Variants in BCAS3 observed in about 807,000 individuals in gnomAD.
BCAS3 encodes the protein BCAS3 microtubule associated cell migration factor.
In BCAS3, 53 loss-of-function variants were observed where a neutral mutation model predicts 116.1. That is an observed-to-expected ratio of 0.46 (90% CI 0.37 to 0.57). The LOEUF (loss-of-function observed/expected upper bound fraction) is 0.57. BCAS3 is among the 20% of genes least tolerant of loss of function. BCAS3 has a pLI of 0.00. For missense variants in BCAS3, 917 were observed against 1,165.4 expected (o/e 0.79, Z 3.10); for synonymous variants, 391 against 408.2 (o/e 0.96, Z 0.51).
intron 16 of BCAS3, among the ~76,000 whole-genome samples, chr17:61,018,783 C>T (rs1414646703): frequency 1.3e-5 from 2 of 152,168 alleles, no homozygotes; most frequent in Non-Finnish European, 2.9e-5. Context: ...TCTAAAGGCA[C>T]AGACATTCTC....
At chr17:61,178,740 T>G (rs899265187) in intron 22 of BCAS3, among the ~76,000 whole-genome samples, 1 of 152,108 alleles carries the variant, frequency 6.6e-6, no homozygotes, top group African/African-American at 2.4e-5. Flanking sequence ...CAAATAGAGG[T>G]GGGAAATTTT....
intron 22 of BCAS3, chr17:61,157,468 A>G (rs1271008178): frequency 1.3e-5 from 2 of 151,862 alleles, no homozygotes; most frequent in Non-Finnish European, 2.9e-5. Context: ...AGAGCAGAAC[A>G]TTAAACAGTG....
chr17:61,050,919 T>TA (rs1386525177), intron 19 of BCAS3, among the ~76,000 whole-genome samples: 1 of 152,008 alleles, frequency 6.6e-6, no homozygotes, highest in Non-Finnish European at 1.5e-5. Flanking sequence ...TTTCAAGTCA[T>TA]ACAAAGTATA....
At position 61,315,502 on chromosome 17, in the gene BCAS3, G is replaced by T. The variant is rs1259504596; in HGVS notation, c.2426-52825G>T. Among the ~76,000 whole-genome samples, 52 of 152,318 alleles carry T rather than the reference G, an allele frequency of 3.4e-4. No individual in the cohort carries two copies. The highest frequency in any genetic ancestry group is 1.5e-5 in the Non-Finnish European group (1 of 68,024). On this transcript the variant is annotated intron_variant, in intron 22 of 23. Coordinates refer to ENST00000407086, the MANE Select transcript of BCAS3 (RefSeq NM_017679.5). This position sits in a 1 kb window ranked among gnomAD's most constrained non-coding sequence, Gnocchi z 5.3. ...AGCTGGCAGCGGTGCCATTGCTTTC[G>T]CCTCAGGCTTCCTAGAGCAAAGAAG...
chr17:60,788,073 C>G lies in BCAS3; in HGVS notation c.404-19931C>G, dbSNP rs538456827. ...CGTATATTATCTTTTTACAACAGTACTATGTGGCGTATTGGTACTTATCCC... is the reference window on the plus strand; with the variant it reads ...CGTATATTATCTTTTTACAACAGTAGTATGTGGCGTATTGGTACTTATCCC... On this transcript the variant is annotated intron_variant, in intron 6 of 23. Coordinates refer to ENST00000407086, the MANE Select transcript of BCAS3 (RefSeq NM_017679.5). Among the ~76,000 whole-genome samples the G allele has an allele frequency of 2.6e-5, 4 of 152,232 alleles. No individual in the cohort carries two copies. The East Asian group carries it at 7.7e-4, about 29-fold the overall frequency.
intron 19 of BCAS3, chr17:61,070,096 A>G (rs1372617638): frequency 6.4e-7 from 1 of 1,573,650 alleles, no homozygotes; most frequent in Non-Finnish European, 8.7e-7. Context: ...CCACTATGCT[A>G]TCATCAAGTT....
At chr17:61,262,797 A>G (rs1454695787) in intron 22 of BCAS3, among the ~76,000 whole-genome samples, 1 of 151,876 alleles carries the variant, frequency 6.6e-6, no homozygotes, top group Admixed American at 6.6e-5. Flanking sequence ...GGTTCAACCA[A>G]TTCTCCTGCC....
chr17:61,207,459 A>G (rs1372494278), intron 22 of BCAS3, among the ~76,000 whole-genome samples: 2 of 152,178 alleles, frequency 1.3e-5, no homozygotes, highest in African/African-American at 4.8e-5. Flanking sequence ...GGTTACAAAG[A>G]CAGTGAATGC....
At position 61,056,481 on chromosome 17, in the gene BCAS3, TAATTA is replaced by T. The variant is rs1766884806; in HGVS notation, c.2029+15592_2029+15596del. Among the ~76,000 whole-genome samples, 1 of 152,106 alleles carries T rather than the reference TAATTA, an allele frequency of 6.6e-6. No homozygotes were observed. Among genetic ancestry groups the T allele is most frequent in the African/African-American group, 2.4e-5 (1 of 41,464 alleles). On this transcript the variant is annotated intron_variant, in intron 19 of 23. Transcript: ENST00000407086. This position sits in a 1 kb window ranked among gnomAD's most constrained non-coding sequence, Gnocchi z 4.9. ...TAAAATTTTAACTTATACTTTATTT[TAATTA>T]AAGTATTTAAAATAAATTTATAAAG...
At chr17:60,680,694 G>A (rs1188639750) in intron 2 of BCAS3, among the ~76,000 whole-genome samples, 1 of 151,554 alleles carries the variant, frequency 6.6e-6, no homozygotes, top group Admixed American at 6.6e-5. Context: ...GGAGTGCAGT[G>A]GCGCCGTCTC....
At position 61,325,424 on chromosome 17, in the gene BCAS3, G is replaced by A. The variant is rs1336045751; in HGVS notation, c.2426-42903G>A. Among the ~76,000 whole-genome samples the A allele has an allele frequency of 6.6e-6, 1 of 152,134 alleles. No homozygotes were observed. The highest frequency in any genetic ancestry group is 1.5e-5 in the Non-Finnish European group (1 of 68,008). ...TTGCAGGGTGACCCTCTGCTCCAGG[G>A]ATATGGGCACTGCCTGGAGGGTGGT... On this transcript the variant is annotated intron_variant, in intron 22 of 23. Coordinates refer to ENST00000407086, the MANE Select transcript of BCAS3 (RefSeq NM_017679.5). This position sits in a 1 kb window ranked among gnomAD's most constrained non-coding sequence, Gnocchi z 6.4.
At position 61,344,987 on chromosome 17, in the gene BCAS3, T is replaced by G. The variant is rs1171732196; in HGVS notation, c.2426-23340T>G. 1.3e-5 allele frequency among the ~76,000 whole-genome samples: 2 copies of G among 152,028 alleles called. No individual in the cohort carries two copies. The highest frequency in any genetic ancestry group is 2.9e-5 in the Non-Finnish European group (2 of 68,012). The stretch of plus-strand genomic sequence containing the variant: ...AGAAAAATAGCCACTCTGTCCCTTC[T>G]CATGCGGAGGAAGCACAGGGTAATC... On this transcript the variant is annotated intron_variant, in intron 22 of 23. Transcript: ENST00000407086. This position sits in a 1 kb window ranked among gnomAD's most constrained non-coding sequence, Gnocchi z 4.1.
intron 9 of BCAS3, among the ~76,000 whole-genome samples, chr17:60,887,836 T>G (rs2036099009): frequency 6.6e-6 from 1 of 152,222 alleles, no homozygotes; most frequent in Non-Finnish European, 1.5e-5. Flanking sequence ...TAAAATTGCA[T>G]CATGCTTGTG....
intron 14 of BCAS3, among the ~76,000 whole-genome samples, chr17:60,974,820 G>A (rs144678252): frequency 1.1e-4 from 16 of 152,162 alleles, no homozygotes; most frequent in Non-Finnish European, 8.8e-5. Flanking sequence ...CTCTAAATTG[G>A]TAATAATGAG....
chr17:61,392,276 G>A lies in BCAS3; in HGVS notation c.*151G>A, dbSNP rs2060173782. On this transcript the variant is annotated 3_prime_UTR_variant, in exon 24 of 24. Transcript: ENST00000407086. The surrounding 1 kb of genome is among the most constrained non-coding windows in gnomAD (Gnocchi z 6.4). ...CAGCAGCCGCCCATCCTACCTGGAT[G>A]GAGAAGAGACCCTTCTCCAAGCACC... is the stretch of plus-strand genomic sequence containing the variant. 2.1e-6 allele frequency: 2 copies of A among 936,910 alleles called. No homozygotes were observed. Among genetic ancestry groups the A allele is most frequent in the East Asian group, 5.3e-5 (2 of 37,844 alleles). 58.0% of individuals were successfully genotyped at this position (936,910 alleles called of 1,614,324 possible). A position where few individuals can be genotyped will look rare whatever the true frequency, so the allele number is the denominator to read the frequency against.
At chr17:61,335,234 G>A (rs780242555) in intron 22 of BCAS3, among the ~76,000 whole-genome samples, 11 of 152,230 alleles carry the variant, frequency 7.2e-5, no homozygotes, top group African/African-American at 1.9e-4. Context: ...TCACAGCAGC[G>A]ATTCCTTCCC....
At chr17:60,821,444 C>G (rs1468954455) in intron 7 of BCAS3, among the ~76,000 whole-genome samples, 1 of 152,110 alleles carries the variant, frequency 6.6e-6, no homozygotes, top group African/African-American at 2.4e-5. Context: ...GAAACTCTTT[C>G]TACAAACAAG....
chr17:61,368,945 ATGC>A lies in BCAS3; in HGVS notation c.2593+455_2593+457del, dbSNP rs1451742001. 2.0e-5 allele frequency among the ~76,000 whole-genome samples: 3 copies of A among 152,102 alleles called. No homozygotes were observed. Among genetic ancestry groups the A allele is most frequent in the Non-Finnish European group, 2.9e-5 (2 of 68,000 alleles). On this transcript the variant is annotated intron_variant, in intron 23 of 23. Coordinates refer to ENST00000407086, the MANE Select transcript of BCAS3 (RefSeq NM_017679.5). The surrounding 1 kb of genome is among the most constrained non-coding windows in gnomAD (Gnocchi z 6.0). ...TTTCAGCCCCTACCAGCTTTTCCTC[ATGC>A]TGCCTTTGGCCTTGCATTCTTGCCT...
intron 19 of BCAS3, among the ~76,000 whole-genome samples, chr17:61,050,356 G>T (rs1487952551): frequency 6.6e-6 from 1 of 151,756 alleles, no homozygotes; most frequent in Non-Finnish European, 1.5e-5. Flanking sequence ...ACTGTTAACA[G>T]AAAAAAATGG....
Sources: allele counts gnomAD v4.1 joint callset (sites outside exome capture counted in the v4.1 genomes callset), GRCh38; gene constraint gnomAD v4.1.1; non-coding constraint Gnocchi (gnomAD v3.1); transcripts MANE v1.5; gene names NCBI Gene and HGNC (gene_info 2026-07-23, HGNC 2026-07-21).